The following EXT1 variants were observed in gnomAD, a reference collection of about 807,000 sequenced individuals.
EXT1 encodes exostosin-1.
Under a neutral mutation model 82.5 loss-of-function variants are expected in EXT1, and 20 were observed. The observed-to-expected ratio is 0.24, with a 90% CI of 0.17 to 0.35. The LOEUF (loss-of-function observed/expected upper bound fraction) is 0.35, where lower values mean the gene tolerates loss of function less well. Ranked by LOEUF, EXT1 falls within the 10% of genes least tolerant of loss-of-function variation. The pLI, the probability that EXT1 is intolerant of heterozygous loss-of-function variation, is 1.00. For missense variants in EXT1, 757 were observed against 936.5 expected (o/e 0.81, Z 2.50); for synonymous variants, 348 against 350.8 (o/e 0.99, Z 0.09).
chr8:117,926,022 G>T (rs935022720), intron 1 of EXT1, among the ~76,000 whole-genome samples: 3 of 152,070 alleles, frequency 2.0e-5, no homozygotes, highest in Non-Finnish European at 2.9e-5. Context: ...AGACCCAAAG[G>T]GTTAAGCAAT....
intron 1 of EXT1, among the ~76,000 whole-genome samples, chr8:117,900,594 A>ATATAGCTATATTTGGGCTATATTTAGC (rs1394210560): frequency 6.6e-6 from 1 of 152,132 alleles, no homozygotes; most frequent in Non-Finnish European, 1.5e-5. Flanking sequence ...CTCACTGACA[A>ATATAGCTATATTTGGGCTATATTTAGC]ACGGGCTAAG....
In EXT1 at chr8:117,804,715, T is replaced by C; in HGVS notation, c.2055+7A>G. On this transcript the variant is annotated splice_region_variant and intron_variant, in intron 10 of 10. Transcript: ENST00000378204. ...GAAGCAAGGGAAGAGGGCTCTTCTA[T>C]ACTTACCTGTCCCATCATTGTCTCC... 1.2e-6 allele frequency: 2 copies of C among 1,614,028 alleles called. No homozygotes were observed. The highest frequency in any genetic ancestry group is 1.1e-5 in the South Asian group (1 of 91,086).
intron 1 of EXT1, among the ~76,000 whole-genome samples, chr8:117,924,371 G>A (rs1813916102): frequency 6.6e-6 from 1 of 152,068 alleles, no homozygotes; most frequent in Admixed American, 6.5e-5. Context: ...TTTATTTTTG[G>A]CTGCTATAAA....
intron 1 of EXT1, among the ~76,000 whole-genome samples, chr8:118,104,080 T>A (rs1646395594): frequency 6.6e-6 from 1 of 152,228 alleles, no homozygotes; most frequent in African/African-American, 2.4e-5. Flanking sequence ...TGCCATTTTC[T>A]CACTAGATGT....
intron 1 of EXT1, among the ~76,000 whole-genome samples, chr8:117,946,648 A>C (rs761221482): frequency 1.3e-5 from 2 of 151,804 alleles, no homozygotes; most frequent in Admixed American, 6.6e-5. Flanking sequence ...ATACACGAGG[A>C]CCAGTCGTGG....
At chr8:118,050,278 GA>G (rs955376920) in intron 1 of EXT1, among the ~76,000 whole-genome samples, 3 of 152,204 alleles carry the variant, frequency 2.0e-5, no homozygotes, top group African/African-American at 7.2e-5. Context: ...AGCACTGGCT[GA>G]ATATCTGTGA....
intron 1 of EXT1, among the ~76,000 whole-genome samples, chr8:118,063,486 A>G (rs1816919632): frequency 6.6e-6 from 1 of 152,264 alleles, no homozygotes; most frequent in Admixed American, 6.5e-5. Flanking sequence ...CACAGTCTGG[A>G]CAGAGGTGAA....
chr8:117,979,399 AG>A (rs1815138098), intron 1 of EXT1, among the ~76,000 whole-genome samples: 2 of 152,032 alleles, frequency 1.3e-5, no homozygotes, highest in South Asian at 4.2e-4. Flanking sequence ...AAACAAAAAA[AG>A]ATCCTTATCC....
intron 1 of EXT1, among the ~76,000 whole-genome samples, chr8:117,999,823 A>T (rs1472446401): frequency 2.6e-5 from 4 of 152,190 alleles, no homozygotes; most frequent in Middle Eastern, 3.2e-3. Context: ...AAGATTCTTT[A>T]AAAACTTAGG....
At chr8:118,003,942 A>G (rs1455530247) in intron 1 of EXT1, among the ~76,000 whole-genome samples, 1 of 152,214 alleles carries the variant, frequency 6.6e-6, no homozygotes, top group Non-Finnish European at 1.5e-5. Context: ...CCACATTCTA[A>G]TATGTTTACA....
intron 1 of EXT1, among the ~76,000 whole-genome samples, chr8:117,860,129 A>T (rs1812654523): frequency 7.0e-6 from 1 of 143,836 alleles, no homozygotes; most frequent in Admixed American, 7.1e-5. Flanking sequence ...CCTGGGTAAC[A>T]GAGCAAGATT....
At chr8:118,009,004 G>A (rs949509082) in intron 1 of EXT1, among the ~76,000 whole-genome samples, 8 of 152,268 alleles carry the variant, frequency 5.3e-5, no homozygotes, top group African/African-American at 1.9e-4. Context: ...CAGTAGAACT[G>A]CCAGGAGATT....
At chr8:117,950,910 AT>A (rs923900940) in intron 1 of EXT1, among the ~76,000 whole-genome samples, 90 of 151,414 alleles carry the variant, frequency 5.9e-4, no homozygotes, top group African/African-American at 1.7e-3. Flanking sequence ...AGAAACAAAA[AT>A]TTTTTTTTTA....
At chr8:117,825,605 G>A (rs1029444707) in intron 4 of EXT1, among the ~76,000 whole-genome samples, 1 of 152,164 alleles carries the variant, frequency 6.6e-6, no homozygotes, top group African/African-American at 2.4e-5. Flanking sequence ...TTACTTTTAT[G>A]TATCCTCTGT....
intron 1 of EXT1, among the ~76,000 whole-genome samples, chr8:117,888,134 C>A (rs188569094): frequency 2.0e-5 from 3 of 151,032 alleles, no homozygotes; most frequent in Non-Finnish European, 4.4e-5. Flanking sequence ...AAATATAATG[C>A]CTCTTCTCAG....
At chr8:117,822,348 C>T in intron 5 of EXT1, 117 bp downstream of exon 5, 1 of 1,161,764 alleles carries the variant, frequency 8.6e-7, no homozygotes, top group Non-Finnish European at 1.3e-6. Context: ...CTAGAAAAAG[C>T]AATCTTCAAT....
At chr8:117,978,000 A>T (rs2129757915) in intron 1 of EXT1, among the ~76,000 whole-genome samples, 1 of 152,352 alleles carries the variant, frequency 6.6e-6, no homozygotes, top group Admixed American at 6.5e-5. Flanking sequence ...CCTGACCACA[A>T]TAATTAAGAG....
chr8:117,965,558 A>G (rs532642533), intron 1 of EXT1, among the ~76,000 whole-genome samples: 1 of 152,264 alleles, frequency 6.6e-6, no homozygotes, highest in African/African-American at 2.4e-5. Context: ...GCAATTCAGG[A>G]GATCATAAGC....
intron 1 of EXT1, among the ~76,000 whole-genome samples, chr8:118,089,291 T>C (rs1817481440): frequency 6.6e-6 from 1 of 152,172 alleles, no homozygotes; most frequent in Admixed American, 6.5e-5. Flanking sequence ...AAAAAGACTA[T>C]AATCAAGAGT....
Sources: gnomAD v4.1 joint callset for allele counts (sites outside exome capture counted in the v4.1 genomes callset) on GRCh38, gnomAD v4.1.1 for gene constraint, MANE v1.5 for transcripts, NCBI Gene and HGNC (gene_info 2026-07-23, HGNC 2026-07-21) for gene names.